The following TTF2 variants were observed in gnomAD, a reference collection of about 807,000 sequenced individuals.
TTF2 encodes the protein transcription termination factor 2.
TTF2 carries 108 observed loss-of-function variants against 142.4 expected under a neutral mutation model. That is an observed-to-expected ratio of 0.76 (90% CI 0.65 to 0.89). The LOEUF (loss-of-function observed/expected upper bound fraction) is 0.89, where lower values mean the gene tolerates loss of function less well. TTF2 is among the 40% of genes least tolerant of loss of function. The pLI is 0.00. For synonymous variants in TTF2, 483 were observed against 506.2 expected (o/e 0.95, Z 0.61); for missense variants, 1,327 against 1,379.8 (o/e 0.96, Z 0.61).
intron 18 of TTF2, among the ~76,000 whole-genome samples, chr1:117,094,465 G>T (rs927594677): frequency 6.6e-6 from 1 of 152,160 alleles, no homozygotes; most frequent in African/African-American, 2.4e-5. Context: ...TGCCCCACGT[G>T]TTCTTACTGA....
chr1:117,084,505 A>G (rs1019406320), intron 11 of TTF2, among the ~76,000 whole-genome samples: 2 of 152,218 alleles, frequency 1.3e-5, no homozygotes, highest in African/African-American at 2.4e-5. Context: ...CCAGGTGTAC[A>G]TAGTGTGAAT....
Position 117,081,955 on chromosome 1 carries a change from G to T in TTF2, c.1903+8G>T. 6.2e-7 allele frequency: 1 copy of T among 1,614,092 alleles called. No individual in the cohort carries two copies. The highest frequency in any genetic ancestry group is 8.5e-7 in the Non-Finnish European group (1 of 1,179,982). Reference sequence around the variant, plus strand: ...CGTGGCTCTCCAAAGATGGTAGACAGAAGTGCCTTAATAGCCTGCCATTCC... The same window carrying T: ...CGTGGCTCTCCAAAGATGGTAGACATAAGTGCCTTAATAGCCTGCCATTCC... On this transcript the variant is annotated splice_region_variant and intron_variant, in intron 10 of 22. Transcript: ENST00000369466.
At position 117,092,822 on chromosome 1, in the gene TTF2, C is replaced by T. The variant is rs1228682513; in HGVS notation, c.2897C>T (p.Ser966Leu). The change falls in exon 18 of 23, where the codon TCA (serine) becomes TTA (leucine). Residue 966 changes from serine to leucine, a missense_variant. Transcript: ENST00000369466. This position sits in a 1 kb window ranked among gnomAD's most constrained non-coding sequence, Gnocchi z 4.4. ...SALTLSELRD[S>L]EPSSTVSLNG... is the part of the protein sequence containing the mutation. ...TTGACCTTGTCAGAACTCCGTGACTCAGAGCCATCTTCCACTGTTTCCCTT... is the reference window on the plus strand; with the variant it reads ...TTGACCTTGTCAGAACTCCGTGACTTAGAGCCATCTTCCACTGTTTCCCTT... The T allele has an allele frequency of 6.2e-7, 1 of 1,614,082 alleles. No individual in the cohort carries two copies. The highest frequency in any genetic ancestry group is 8.5e-7 in the Non-Finnish European group (1 of 1,180,044).
Position 117,092,905 on chromosome 1 carries a change from C to T in TTF2, c.2976+4C>T. On this transcript the variant is annotated splice_donor_region_variant and intron_variant, in intron 18 of 22. Coordinates refer to ENST00000369466, the MANE Select transcript of TTF2 (RefSeq NM_003594.4). This position sits in a 1 kb window ranked among gnomAD's most constrained non-coding sequence, Gnocchi z 4.4. ...AGGCATGCGAGAGAGCACCAAGGTA[C>T]TTTTTGTCTCCTCTGTAGTAGTCGA... 6.2e-7 allele frequency: 1 copy of T among 1,614,118 alleles called. No homozygotes were observed. The highest frequency in any genetic ancestry group is 8.5e-7 in the Non-Finnish European group (1 of 1,179,990).
chr1:117,073,564 A>G lies in TTF2; in HGVS notation c.219-97A>G, dbSNP rs1019986093. On this transcript the variant is annotated intron_variant, in intron 3 of 22. Transcript: ENST00000369466. The surrounding 1 kb of genome is among the most constrained non-coding windows in gnomAD (Gnocchi z 4.4). ...AAGTGACCTCCCAAAGCCAGGTTCA[A>G]ATAGTTGCAAGATGTTTTCTTGGAT... 6 of 1,245,216 alleles carry G rather than the reference A, an allele frequency of 4.8e-6. No homozygotes were observed. The African/African-American group carries it at 7.5e-5, about 16-fold the overall frequency. The allele number at this position is 1,245,216 out of a possible 1,614,324, so 77.1% of individuals were successfully genotyped here.
At chr1:117,089,115 A>G in intron 13 of TTF2, 133 bp downstream of exon 13, 2 of 864,134 alleles carry the variant, frequency 2.3e-6, no homozygotes, top group South Asian at 2.6e-5. Context: ...GTCAACCTTT[A>G]AAGGACAAAA....
rs779897219 is a variant in TTF2, at chr1:117,060,333, G to C, written c.-14G>C. On this transcript the variant is annotated 5_prime_UTR_variant, in exon 1 of 23. Transcript: ENST00000369466. Reference sequence around the variant, plus strand: ...TGGGGGCGGGGCTTTGTGGAACTTGGGGGACCCAGCGAAATGGAAGAAGTT... The same window carrying C: ...TGGGGGCGGGGCTTTGTGGAACTTGCGGGACCCAGCGAAATGGAAGAAGTT... The C allele has an allele frequency of 1.3e-6, 2 of 1,596,000 alleles. No homozygotes were observed. Among genetic ancestry groups the C allele is most frequent in the Non-Finnish European group, 1.7e-6 (2 of 1,171,580 alleles).
intron 13 of TTF2, among the ~76,000 whole-genome samples, chr1:117,089,727 T>G (rs1648398520): frequency 1.3e-5 from 2 of 152,128 alleles, no homozygotes. Context: ...TTATTTTTAT[T>G]CGAGTCAGCC....
Position 117,079,473 on chromosome 1 carries a change from G to A in TTF2, c.1702-95G>A, listed in dbSNP as rs1464347237. ...CTACAGAATACTGAGGGAATCATTT[G>A]TAGAAAATAGGAGAGTGTAGAGTTC... is the stretch of plus-strand genomic sequence containing the variant. On this transcript the variant is annotated intron_variant, in intron 8 of 22. Coordinates refer to ENST00000369466, the MANE Select transcript of TTF2 (RefSeq NM_003594.4). The surrounding 1 kb of genome is among the most constrained non-coding windows in gnomAD (Gnocchi z 4.2). The A allele has an allele frequency of 8.7e-6, 10 of 1,154,874 alleles. No homozygotes were observed. In the East Asian group the frequency reaches 2.1e-4, roughly 25 times the overall value. The allele number at this position is 1,154,874 out of a possible 1,614,324, so 71.5% of individuals were successfully genotyped here.
chr1:117,074,826 T>G (rs1656860754), intron 4 of TTF2, 44 bp from the exon 5 acceptor site: 1 of 1,471,430 alleles, frequency 6.8e-7, no homozygotes. Flanking sequence ...AGATACGAAG[T>G]TTGTATTAAT....
At chr1:117,083,638 CCT>C (rs1647739287) in intron 10 of TTF2, among the ~76,000 whole-genome samples, 1 of 152,158 alleles carries the variant, frequency 6.6e-6, no homozygotes, top group African/African-American at 2.4e-5. Context: ...CTTTCCTCCC[CCT>C]GTTTAGCCTC....
At position 117,075,351 on chromosome 1, in the gene TTF2, A is replaced by G. The variant is rs34334470; in HGVS notation, c.767A>G (p.Glu256Gly). Residue 256 changes from glutamate (E) to glycine (G), a missense_variant, in exon 5 of 23, where the codon GAA becomes GGA. Coordinates refer to ENST00000369466, the MANE Select transcript of TTF2 (RefSeq NM_003594.4). The surrounding 1 kb of genome is among the most constrained non-coding windows in gnomAD (Gnocchi z 4.5). ...DVQRESEPLR[E>G]KVTQLLPQNV... The stretch of plus-strand genomic sequence containing the variant: ...CAAAGAGAATCAGAACCTCTGAGAG[A>G]AAAGGTTACCCAGCTTTTGCCTCAA... 1,846 of 1,614,218 alleles carry G rather than the reference A, an allele frequency of 1.1e-3. 17 individuals are homozygous for G. In the African/African-American group the frequency reaches 0.019, roughly 17 times the overall value.
chr1:117,096,378 T>G, intron 20 of TTF2, 79 bp downstream of exon 20: 1 of 1,536,844 alleles, frequency 6.5e-7, no homozygotes, highest in Non-Finnish European at 8.8e-7. Context: ...TTGGTTGGTT[T>G]TTGTTTTTGT....
chr1:117,078,833 A>G (rs1570826816), intron 8 of TTF2, among the ~76,000 whole-genome samples: 1 of 152,360 alleles, frequency 6.6e-6, no homozygotes, highest in East Asian at 1.9e-4. Flanking sequence ...ATTTATGACC[A>G]GTAGTGCAGA....
At chr1:117,062,566 T>G in intron 3 of TTF2, 93 bp downstream of exon 3, 1 of 1,269,122 alleles carries the variant, frequency 7.9e-7, no homozygotes, top group Non-Finnish European at 1.1e-6. Context: ...GGATTGTTCT[T>G]TAAAAGTCAT....
chr1:117,076,340 CA>C lies in TTF2; in HGVS notation c.1390+48del. On this transcript the variant is annotated intron_variant, in intron 6 of 22. Transcript: ENST00000369466. The surrounding 1 kb of genome is among the most constrained non-coding windows in gnomAD (Gnocchi z 4.6). ...GAACTCCGGGTTTGCATCGACTTTACAAGAGACATTCGGGAAGCCCTTTTAA... is the reference window on the plus strand; with the variant it reads ...GAACTCCGGGTTTGCATCGACTTTACAGAGACATTCGGGAAGCCCTTTTAA... 6.8e-7 allele frequency: 1 copy of C among 1,469,212 alleles called. No homozygotes were observed. The highest frequency in any genetic ancestry group is 9.4e-7 in the Non-Finnish European group (1 of 1,063,396). The allele number at this position is 1,469,212 out of a possible 1,614,324, so 91.0% of individuals were successfully genotyped here.
rs770497978 is a variant in TTF2, at chr1:117,090,135, G to C, written c.2423G>C (p.Arg808Pro). The C allele has an allele frequency of 4.3e-6, 7 of 1,614,100 alleles. No individual in the cohort carries two copies. Among genetic ancestry groups the C allele is most frequent in the Non-Finnish European group, 4.2e-6 (5 of 1,179,978 alleles). ...AATGGCTCAAAGAAAGGAGGAGAAC[G>C]GTTAAGTATTTTAACCAAGAGCCTT... ...VDNGSKKGGE[R>P]LSILTKSLLL... is the part of the protein sequence containing the mutation. The change falls in exon 14 of 23, where the codon CGG becomes CCG. Residue 808 changes from arginine (R) to proline (P), a missense_variant. Coordinates refer to ENST00000369466, the MANE Select transcript of TTF2 (RefSeq NM_003594.4). The surrounding 1 kb of genome is among the most constrained non-coding windows in gnomAD (Gnocchi z 4.8).
intron 12 of TTF2, among the ~76,000 whole-genome samples, chr1:117,088,430 G>A (rs373308295): frequency 6.6e-6 from 1 of 152,078 alleles, no homozygotes; most frequent in Admixed American, 6.5e-5. Flanking sequence ...CCGGCTGCTC[G>A]GGAGGCTGAG....
At chr1:117,081,128 T>C (rs2101060480) in intron 9 of TTF2, among the ~76,000 whole-genome samples, 1 of 152,338 alleles carries the variant, frequency 6.6e-6, no homozygotes, top group South Asian at 2.1e-4. Context: ...TTTCAAAGGA[T>C]AGCAGGCAGG....
Sources: allele counts gnomAD v4.1 joint callset (sites outside exome capture counted in the v4.1 genomes callset), GRCh38; gene constraint gnomAD v4.1.1; non-coding constraint Gnocchi (gnomAD v3.1); transcripts MANE v1.5; gene names NCBI Gene and HGNC (gene_info 2026-07-23, HGNC 2026-07-21).